PPM1L: variants seen among roughly 807,000 people sequenced by gnomAD.
The protein encoded by PPM1L is protein phosphatase, Mg2+/Mn2+ dependent 1L, also known as protein phosphatase 1L.
A neutral mutation model predicts 31.4 loss-of-function variants in PPM1L; 13 were observed. That is an observed-to-expected ratio of 0.41 (90% CI 0.27 to 0.66). PPM1L has a LOEUF of 0.66. Ranked by LOEUF, PPM1L falls within the 30% of genes least tolerant of loss-of-function variation. PPM1L has a pLI of 0.29. For synonymous variants in PPM1L, 184 were observed against 175.4 expected (o/e 1.05, Z -0.39); for missense variants, 326 against 453.7 (o/e 0.72, Z 2.56).
At chr3:160,936,906 C>T (rs1487784522) in intron 1 of PPM1L, among the ~76,000 whole-genome samples, 2 of 152,174 alleles carry the variant, frequency 1.3e-5, no homozygotes, top group Non-Finnish European at 2.9e-5. Context: ...ATGAATTTCA[C>T]TTGAAAAAAC....
At chr3:160,918,460 C>T (rs1188661864) in intron 1 of PPM1L, among the ~76,000 whole-genome samples, 1 of 152,190 alleles carries the variant, frequency 6.6e-6, no homozygotes, top group Admixed American at 6.5e-5. Flanking sequence ...CTATTAGAAA[C>T]CATCACATGG....
intron 1 of PPM1L, among the ~76,000 whole-genome samples, chr3:160,812,055 G>C (rs914801734): frequency 6.6e-6 from 1 of 152,154 alleles, no homozygotes; most frequent in Non-Finnish European, 1.5e-5. Flanking sequence ...TTCTGCTTCA[G>C]ATTTTGATGA....
chr3:161,041,981 C>T (rs1234018674), intron 2 of PPM1L, among the ~76,000 whole-genome samples: 1 of 151,840 alleles, frequency 6.6e-6, no homozygotes, highest in Non-Finnish European at 1.5e-5. Flanking sequence ...AAAATAAAAA[C>T]CCGTTCTCAT....
chr3:160,804,362 A>C (rs1255817447), intron 1 of PPM1L, among the ~76,000 whole-genome samples: 1 of 152,234 alleles, frequency 6.6e-6, no homozygotes. Context: ...TCAGTAACCC[A>C]TCTTTGAAAG....
intron 2 of PPM1L, chr3:161,022,145 TTA>T: frequency 1.5e-6 from 1 of 682,382 alleles, no homozygotes; most frequent in Non-Finnish European, 2.7e-6. Context: ...TTTTTTTTTT[TTA>T]CCCTTAGTTA....
chr3:160,814,622 CAT>C (rs1221838633), intron 1 of PPM1L, among the ~76,000 whole-genome samples: 3 of 143,052 alleles, frequency 2.1e-5, no homozygotes, highest in African/African-American at 5.4e-5. Context: ...TATACACACA[CAT>C]ATGTATGTAT....
intron 1 of PPM1L, among the ~76,000 whole-genome samples, chr3:160,843,438 A>G (rs1713963820): frequency 1.1e-5 from 1 of 94,916 alleles, no homozygotes; most frequent in South Asian, 3.4e-4. Context: ...ATATATATAT[A>G]TATATATATA....
chr3:160,866,840 T>C (rs1216331060), intron 1 of PPM1L, among the ~76,000 whole-genome samples: 2 of 152,300 alleles, frequency 1.3e-5, no homozygotes, highest in African/African-American at 4.8e-5. Context: ...TTCATTACCA[T>C]TTTATGTATT....
chr3:160,976,152 C>T (rs1380668006), intron 2 of PPM1L, among the ~76,000 whole-genome samples: 8 of 101,024 alleles, frequency 7.9e-5, no homozygotes, highest in East Asian at 3.9e-4. Context: ...TTGTCTTTGG[C>T]TCTGTTTATA....
chr3:160,803,802 A>G (rs1712509893), intron 1 of PPM1L, among the ~76,000 whole-genome samples: 2 of 152,372 alleles, frequency 1.3e-5, no homozygotes, highest in African/African-American at 2.4e-5. Flanking sequence ...CTTCACATTC[A>G]AAGGTATTTT....
At chr3:160,965,323 T>C (rs1002887366) in intron 2 of PPM1L, among the ~76,000 whole-genome samples, 8 of 152,094 alleles carry the variant, frequency 5.3e-5, no homozygotes, top group Admixed American at 1.3e-4. Context: ...AGAAGCTTCC[T>C]GACTTCAGAT....
chr3:160,923,218 T>C (rs1559888982), intron 1 of PPM1L, among the ~76,000 whole-genome samples: 1 of 152,216 alleles, frequency 6.6e-6, no homozygotes, highest in Non-Finnish European at 1.5e-5. Flanking sequence ...GATCTCACTA[T>C]AGATATCATA....
At chr3:161,020,753 G>C (rs1718216453) in intron 2 of PPM1L, among the ~76,000 whole-genome samples, 1 of 151,942 alleles carries the variant, frequency 6.6e-6, no homozygotes, top group South Asian at 2.1e-4. Flanking sequence ...GGGATCTTCT[G>C]TTTCTTCTTG....
chr3:160,789,442 A>G (rs550933711), intron 1 of PPM1L, among the ~76,000 whole-genome samples: 42 of 151,746 alleles, frequency 2.8e-4, no homozygotes, highest in Admixed American at 2.5e-3. Context: ...CTTTCTTCTA[A>G]TTTTATTGAC....
intron 2 of PPM1L, among the ~76,000 whole-genome samples, chr3:160,984,098 C>T (rs1716890347): frequency 6.6e-6 from 1 of 152,200 alleles, no homozygotes; most frequent in Admixed American, 6.5e-5. Flanking sequence ...ACTGGTCTGA[C>T]TAGAATTTGC....
At chr3:160,804,360 C>A (rs1340496614) in intron 1 of PPM1L, among the ~76,000 whole-genome samples, 2 of 152,068 alleles carry the variant, frequency 1.3e-5, no homozygotes, top group African/African-American at 4.8e-5. Flanking sequence ...GTTCAGTAAC[C>A]CATCTTTGAA....
intron 2 of PPM1L, among the ~76,000 whole-genome samples, chr3:161,025,740 A>G (rs187106540): frequency 6.6e-6 from 1 of 152,318 alleles, no homozygotes; most frequent in East Asian, 1.9e-4. Flanking sequence ...TGTTCTTTAT[A>G]AATTACCCAG....
chr3:160,920,354 C>G (rs1053281779), intron 1 of PPM1L, among the ~76,000 whole-genome samples: 3 of 152,142 alleles, frequency 2.0e-5, no homozygotes, highest in Admixed American at 2.0e-4. Flanking sequence ...CTCCCAGTAT[C>G]TCAACCATGC....
Position 160,801,410 on chromosome 3 carries a change from AAGT to A in PPM1L, c.399+44708_399+44710del, listed in dbSNP as rs374721107. ...GATTTTATGTGTTGGAGGACTAGAG[AAGT>A]AGTAACCTGGGACAGAGAAACTGTC... On this transcript the variant is annotated intron_variant, in intron 1 of 3. Transcript: ENST00000498165. Among the ~76,000 whole-genome samples, 162 of 152,328 alleles carry A rather than the reference AAGT, an allele frequency of 1.1e-3. 2 individuals carry two copies. The highest frequency in any genetic ancestry group is 2.8e-3 in the African/African-American group (116 of 41,568).
Sources: gnomAD v4.1 joint callset for allele counts (sites outside exome capture counted in the v4.1 genomes callset) on GRCh38, gnomAD v4.1.1 for gene constraint, MANE v1.5 for transcripts, NCBI Gene and HGNC (gene_info 2026-07-23, HGNC 2026-07-21) for gene names.